The following GALNT13 variants were observed in gnomAD, a reference collection of about 807,000 sequenced individuals.
GALNT13 encodes UDP-GalNAc:polypeptide N-acetylgalactosaminyltransferase 13.
GALNT13 carries 28 observed loss-of-function variants against 64.2 expected under a neutral mutation model. The ratio of observed to expected loss-of-function variants is 0.44; its 90% CI spans 0.32 to 0.60. The LOEUF is 0.60. Among genes scored for constraint, GALNT13 ranks in the 20% least tolerant of loss-of-function variants. The pLI is 0.05. For missense variants in GALNT13, 577 were observed against 669.8 expected (o/e 0.86, Z 1.53); for synonymous variants, 214 against 224.6 (o/e 0.95, Z 0.42).
intron 1 of GALNT13, among the ~76,000 whole-genome samples, chr2:153,889,041 A>G (rs1403609849): frequency 6.6e-6 from 1 of 151,972 alleles, no homozygotes; most frequent in African/African-American, 2.4e-5. Flanking sequence ...GTTTCCTAGC[A>G]CAGGGCAGAG....
intron 11 of GALNT13, among the ~76,000 whole-genome samples, chr2:154,438,264 G>T (rs1701096543): frequency 6.6e-6 from 1 of 152,204 alleles, no homozygotes; most frequent in Admixed American, 6.5e-5. Context: ...GCTCCATGCA[G>T]TTTGTAAACT....
At chr2:153,941,602 G>T (rs910315190) in intron 2 of GALNT13, among the ~76,000 whole-genome samples, 3 of 152,082 alleles carry the variant, frequency 2.0e-5, no homozygotes, top group African/African-American at 7.2e-5. Flanking sequence ...ATAAACCTGG[G>T]CCACCAACTG....
At chr2:153,547,670 A>C in the GALNT13 span, among the ~76,000 whole-genome samples, 1 of 152,332 alleles carries the variant, frequency 6.6e-6, no homozygotes, top group South Asian at 2.1e-4. Flanking sequence ...GAACACATGT[A>C]ATGAGTTAAG....
chr2:153,261,326 C>A, the GALNT13 span, among the ~76,000 whole-genome samples: 10 of 152,256 alleles, frequency 6.6e-5, no homozygotes, highest in South Asian at 1.2e-3. Context: ...TCAGTCTGGA[C>A]TTGTTCTTAC....
chr2:154,070,040 T>C (rs1250679957), intron 3 of GALNT13, among the ~76,000 whole-genome samples: 1 of 152,136 alleles, frequency 6.6e-6, no homozygotes, highest in Non-Finnish European at 1.5e-5. Flanking sequence ...GCAATAAGAC[T>C]GATCCTGCAA....
the GALNT13 span, among the ~76,000 whole-genome samples, chr2:153,712,731 T>C: frequency 6.6e-6 from 1 of 152,168 alleles, no homozygotes; most frequent in Non-Finnish European, 1.5e-5. Context: ...TTTTTAAGTG[T>C]AACAGAGACG....
chr2:153,251,034 A>C, the GALNT13 span, among the ~76,000 whole-genome samples: 1 of 152,042 alleles, frequency 6.6e-6, no homozygotes, highest in African/African-American at 2.4e-5. Context: ...CCCAACACTT[A>C]AAGTAAAATA....
At chr2:153,372,638 CTG>C in the GALNT13 span, among the ~76,000 whole-genome samples, 1 of 144,442 alleles carries the variant, frequency 6.9e-6, no homozygotes, top group African/African-American at 2.5e-5. Flanking sequence ...GAGCGAGACT[CTG>C]TCTCAAAAAA....
the GALNT13 span, among the ~76,000 whole-genome samples, chr2:153,266,396 G>C: frequency 3.9e-5 from 6 of 152,058 alleles, no homozygotes; most frequent in Non-Finnish European, 5.9e-5. Flanking sequence ...GGAGTGAAAG[G>C]GTTTTTGTAT....
At chr2:154,311,734 C>T (rs1317001203) in intron 9 of GALNT13, among the ~76,000 whole-genome samples, 4 of 152,152 alleles carry the variant, frequency 2.6e-5, no homozygotes, top group African/African-American at 9.7e-5. Flanking sequence ...CCTCTGCAAT[C>T]TCGACCATAA....
chr2:153,196,393 A>T, the GALNT13 span, among the ~76,000 whole-genome samples: 2 of 152,098 alleles, frequency 1.3e-5, no homozygotes, highest in Admixed American at 1.3e-4. Context: ...CACTGCCCTG[A>T]ATGTGCACAC....
At chr2:153,972,601 A>G (rs1693813843) in intron 3 of GALNT13, among the ~76,000 whole-genome samples, 1 of 152,064 alleles carries the variant, frequency 6.6e-6, no homozygotes, top group African/African-American at 2.4e-5. Context: ...CAAAAATGCT[A>G]CAGATGAATT....
chr2:153,202,971 TTTTC>T, the GALNT13 span, among the ~76,000 whole-genome samples: 8 of 152,204 alleles, frequency 5.3e-5, no homozygotes, highest in African/African-American at 1.9e-4. Context: ...TCAGTATTGA[TTTTC>T]TTCTTTTCTT....
chr2:153,916,825 T>C (rs1689382008), intron 2 of GALNT13, among the ~76,000 whole-genome samples: 1 of 152,152 alleles, frequency 6.6e-6, no homozygotes, highest in African/African-American at 2.4e-5. Flanking sequence ...GAGTAGAGCT[T>C]TACCTTTTAG....
the GALNT13 span, among the ~76,000 whole-genome samples, chr2:153,121,554 C>T: frequency 3.9e-5 from 6 of 152,100 alleles, no homozygotes; most frequent in South Asian, 2.1e-4. Flanking sequence ...ATTTTTGAGG[C>T]GGAGTCTCAC....
the GALNT13 span, among the ~76,000 whole-genome samples, chr2:153,270,638 A>T: frequency 2.1e-4 from 32 of 152,260 alleles, no homozygotes; most frequent in Admixed American, 5.2e-4. Flanking sequence ...AGGTGGGCAG[A>T]TTGCTTGAGC....
chr2:153,824,537 T>C, the GALNT13 span, among the ~76,000 whole-genome samples: 11 of 152,298 alleles, frequency 7.2e-5, no homozygotes, highest in South Asian at 2.3e-3. Flanking sequence ...TCCTGTCTTC[T>C]AGTATATCAT....
the GALNT13 span, among the ~76,000 whole-genome samples, chr2:153,344,244 T>C: frequency 6.6e-6 from 1 of 152,204 alleles, no homozygotes; most frequent in Non-Finnish European, 1.5e-5. Context: ...CCACCATTTG[T>C]CTCAATAATG....
At chr2:153,595,842 G>A in the GALNT13 span, among the ~76,000 whole-genome samples, 1 of 152,176 alleles carries the variant, frequency 6.6e-6, no homozygotes, top group African/African-American at 2.4e-5. Context: ...TATTGCCTCT[G>A]TAGTTTAATC....
Sources: gnomAD v4.1 joint callset for allele counts (sites outside exome capture counted in the v4.1 genomes callset) on GRCh38, gnomAD v4.1.1 for gene constraint, MANE v1.5 for transcripts, NCBI Gene and HGNC (gene_info 2026-07-23, HGNC 2026-07-21) for gene names.